The following FHIP1A variants were observed in gnomAD, a reference collection of about 807,000 sequenced individuals.
FHIP1A encodes FHF complex subunit HOOK-interacting protein 1A.
A neutral mutation model predicts 88.6 loss-of-function variants in FHIP1A; 61 were observed. The observed-to-expected ratio is 0.69, with a 90% confidence interval of 0.56 to 0.85. The LOEUF (loss-of-function observed/expected upper bound fraction) is 0.85, where lower values mean the gene tolerates loss of function less well. Among genes scored for constraint, FHIP1A ranks in the 40% least tolerant of loss-of-function variants. FHIP1A has a pLI of 0.00. For synonymous variants in FHIP1A, 478 were observed against 496.0 expected (o/e 0.96, Z 0.48); for missense variants, 1,154 against 1,273.5 (o/e 0.91, Z 1.43).
chr4:151,580,494 A>G (rs1733980076), intron 5 of FHIP1A, among the ~76,000 whole-genome samples: 1 of 152,206 alleles, frequency 6.6e-6, no homozygotes, highest in South Asian at 2.1e-4. Context: ...TGTGTTGTCA[A>G]GAGTGAAAAA....
chr4:151,610,960 TTATAA>T (rs1735301952), intron 7 of FHIP1A, among the ~76,000 whole-genome samples: 1 of 152,184 alleles, frequency 6.6e-6, no homozygotes. Flanking sequence ...TGAACAAATG[TTATAA>T]TATATAGCAG....
rs143390321 is a variant in FHIP1A at position 151,431,509 on chromosome 4, T to G, written c.-356+22044T>G. Among the ~76,000 whole-genome samples, 1,185 of 152,282 alleles carry G rather than the reference T, an allele frequency of 7.8e-3. 8 individuals carry two copies. Among genetic ancestry groups the G allele is most frequent in the South Asian group, 0.015 (74 of 4,826 alleles). ...TCACTTACCTGACTGTCGTGCCATT[T>G]CCTGTGTCAAGTGTTAAGGGAAAGA... is the stretch of plus-strand genomic sequence containing the variant. On this transcript the variant is annotated intron_variant, in intron 1 of 13. Coordinates refer to ENST00000435205, the MANE Select transcript of FHIP1A (RefSeq NM_001109977.3).
intron 1 of FHIP1A, among the ~76,000 whole-genome samples, chr4:151,453,529 T>TA (rs1728867993): frequency 6.6e-6 from 1 of 152,184 alleles, no homozygotes; most frequent in South Asian, 2.1e-4. Flanking sequence ...ATGTAACACA[T>TA]ACAACAAACT....
At chr4:151,445,919 T>G (rs979074468) in intron 1 of FHIP1A, among the ~76,000 whole-genome samples, 1 of 149,218 alleles carries the variant, frequency 6.7e-6, no homozygotes, top group African/African-American at 2.5e-5. Flanking sequence ...TTTCTACTGC[T>G]GGTGAACATT....
chr4:151,511,977 T>G (rs976288240), intron 3 of FHIP1A, among the ~76,000 whole-genome samples: 11 of 152,228 alleles, frequency 7.2e-5, no homozygotes, highest in African/African-American at 2.7e-4. Flanking sequence ...ATGGGCAGAC[T>G]GCCTCCTCAA....
chr4:151,503,269 G>A (rs916455985), intron 3 of FHIP1A, among the ~76,000 whole-genome samples: 1 of 152,204 alleles, frequency 6.6e-6, no homozygotes, highest in Admixed American at 6.5e-5. Flanking sequence ...GGAGTGAACA[G>A]GTGAGGGTCC....
At chr4:151,493,548 G>C (rs1730356370) in intron 3 of FHIP1A, among the ~76,000 whole-genome samples, 1 of 152,054 alleles carries the variant, frequency 6.6e-6, no homozygotes, top group Admixed American at 6.6e-5. Flanking sequence ...CAATATCCCT[G>C]ATTAACATAG....
chr4:151,506,131 A>G (rs1730829969), intron 3 of FHIP1A, among the ~76,000 whole-genome samples: 1 of 152,104 alleles, frequency 6.6e-6, no homozygotes, highest in African/African-American at 2.4e-5. Flanking sequence ...TGCGTTGCCC[A>G]GGCTGGCCTC....
chr4:151,541,993 G>A (rs1732312349), intron 3 of FHIP1A, among the ~76,000 whole-genome samples: 1 of 152,172 alleles, frequency 6.6e-6, no homozygotes, highest in South Asian at 2.1e-4. Flanking sequence ...GGATGGGTTG[G>A]AGCCTTGGGA....
intron 1 of FHIP1A, among the ~76,000 whole-genome samples, chr4:151,439,313 C>G (rs1728319928): frequency 6.6e-6 from 1 of 152,056 alleles, no homozygotes; most frequent in Admixed American, 6.6e-5. Context: ...TTATTTATGA[C>G]AAGTATTTAG....
intron 1 of FHIP1A, among the ~76,000 whole-genome samples, chr4:151,446,553 C>T (rs1580574978): frequency 1.7e-5 from 2 of 117,724 alleles, no homozygotes; most frequent in African/African-American, 3.2e-5. Context: ...AGTCAGTTTT[C>T]TGTAAATATG....
At position 151,537,671 on chromosome 4, in the gene FHIP1A, T is replaced by A. The variant is rs548695018; in HGVS notation, c.-122-28467T>A. 3.3e-5 allele frequency among the ~76,000 whole-genome samples: 5 copies of A among 152,346 alleles called. No homozygotes were observed. In the South Asian group the frequency reaches 6.2e-4, roughly 19 times the overall value. ...GTGTCAAGTCTAAGAACTCTTTTCC[T>A]AGCTGGTATGGACTTTTGACTCATC... On this transcript the variant is annotated intron_variant, in intron 3 of 13. Coordinates refer to ENST00000435205, the MANE Select transcript of FHIP1A (RefSeq NM_001109977.3).
chr4:151,584,052 A>G (rs570493565), intron 5 of FHIP1A, among the ~76,000 whole-genome samples: 70 of 152,314 alleles, frequency 4.6e-4, no homozygotes, highest in African/African-American at 1.6e-3. Flanking sequence ...ATGAATGATT[A>G]AAGGTTGCCA....
intron 6 of FHIP1A, among the ~76,000 whole-genome samples, chr4:151,588,313 T>C (rs1395805920): frequency 1.3e-5 from 2 of 152,142 alleles, no homozygotes; most frequent in African/African-American, 4.8e-5. Context: ...AAATGCCTTT[T>C]CTTTAATATA....
chr4:151,521,602 G>T (rs1216744785), intron 3 of FHIP1A, among the ~76,000 whole-genome samples: 2 of 152,144 alleles, frequency 1.3e-5, no homozygotes, highest in African/African-American at 4.8e-5. Context: ...GTATAAGAAT[G>T]GGTTATTCGG....
At chr4:151,470,228 C>T (rs1729461154) in intron 2 of FHIP1A, among the ~76,000 whole-genome samples, 1 of 152,114 alleles carries the variant, frequency 6.6e-6, no homozygotes, top group Non-Finnish European at 1.5e-5. Flanking sequence ...GAAAAGAAAG[C>T]TGTGTGTATG....
At chr4:151,649,420 C>A in intron 10 of FHIP1A, 39 bp from the exon 11 acceptor site, 1 of 1,461,974 alleles carries the variant, frequency 6.8e-7, no homozygotes, top group Non-Finnish European at 9.2e-7. Flanking sequence ...TTTGTCCCCA[C>A]ACCTCCCTTG....
At chr4:151,556,623 G>A (rs924100221) in intron 3 of FHIP1A, among the ~76,000 whole-genome samples, 4 of 152,130 alleles carry the variant, frequency 2.6e-5, no homozygotes, top group African/African-American at 4.8e-5. Context: ...TTATTCTGAA[G>A]AGAGCTCCAG....
chr4:151,555,860 A>G (rs1331920676), intron 3 of FHIP1A, among the ~76,000 whole-genome samples: 1 of 152,186 alleles, frequency 6.6e-6, no homozygotes, highest in Admixed American at 6.6e-5. Flanking sequence ...CAAGCAACAA[A>G]TATAGAATAC....
Sources: allele counts gnomAD v4.1 joint callset (sites outside exome capture counted in the v4.1 genomes callset), GRCh38; gene constraint gnomAD v4.1.1; transcripts MANE v1.5; gene names NCBI Gene and HGNC (gene_info 2026-07-23, HGNC 2026-07-21).